Variants in IVD observed in about 807,000 individuals in gnomAD.
The protein encoded by IVD is isovaleryl-CoA dehydrogenase, mitochondrial.
In IVD, 31 loss-of-function variants were observed where a neutral mutation model predicts 51.3. The ratio of observed to expected loss-of-function variants is 0.60; its 90% confidence interval spans 0.45 to 0.81. The LOEUF is 0.81. IVD is among the 40% of genes least tolerant of loss of function. The pLI, the probability that IVD is intolerant of heterozygous loss-of-function variation, is 0.00. For missense variants in IVD, 475 were observed against 552.0 expected (o/e 0.86, Z 1.40); for synonymous variants, 205 against 219.4 (o/e 0.93, Z 0.58).
Position 40,407,102 on chromosome 15 carries a change from A to G in IVD, c.145-534A>G, listed in dbSNP as rs550749952. On this transcript the variant is annotated intron_variant, in intron 1 of 11. Coordinates refer to ENST00000487418, the MANE Select transcript of IVD (RefSeq NM_002225.5). The stretch of plus-strand genomic sequence containing the variant: ...GGTCTCAAACTCCCAACCTCAGGTG[A>G]TCCTCCTGCCTCGGCCTCCCAAAGT... 6.6e-5 allele frequency among the ~76,000 whole-genome samples: 10 copies of G among 152,314 alleles called. No individual in the cohort carries two copies. In the East Asian group the frequency reaches 1.9e-3, roughly 29 times the overall value.
intron 7 of IVD, among the ~76,000 whole-genome samples, chr15:40,431,677 A>C (rs986365938): frequency 6.6e-6 from 1 of 151,946 alleles, no homozygotes; most frequent in African/African-American, 2.4e-5. Flanking sequence ...CCTGGGCTAC[A>C]GAGCAAGACT....
intron 2 of IVD, 39 bp from the exon 3 acceptor site, chr15:40,407,900 C>T (rs1338351974): frequency 1.9e-6 from 3 of 1,610,550 alleles, no homozygotes; most frequent in East Asian, 2.2e-5. Flanking sequence ...GCTGCCTTCC[C>T]CTCAACACTT....
At chr15:40,406,153 G>C in intron 1 of IVD, 182 bp downstream of exon 1, 1 of 1,540,062 alleles carries the variant, frequency 6.5e-7, no homozygotes. Flanking sequence ...CCAGTCCTCT[G>C]ACCTCGGCCT....
At chr15:40,406,446 T>C in intron 1 of IVD, 1 of 829,120 alleles carries the variant, frequency 1.2e-6, no homozygotes, top group Non-Finnish European at 1.7e-6. Context: ...TGAGCTCTCC[T>C]GTCGCTCTTC....
At chr15:40,427,657 G>C (rs777503814), downstream of IVD, among the ~76,000 whole-genome samples, 2 of 152,132 alleles carry the variant, frequency 1.3e-5, no homozygotes, top group African/African-American at 4.8e-5. Flanking sequence ...TGTTGAAGTA[G>C]AATAGTTAAA....
At chr15:40,411,766 T>C in intron 6 of IVD, 75 bp downstream of exon 6, 1 of 1,536,424 alleles carries the variant, frequency 6.5e-7, no homozygotes. Context: ...CGTTCACTGA[T>C]CTCAAATGGA....
chr15:40,418,124 T>A lies in IVD; in HGVS notation c.1139-6T>A. 6.2e-7 allele frequency: 1 copy of A among 1,614,108 alleles called. No homozygotes were observed. The highest frequency in any genetic ancestry group is 2.2e-5 in the East Asian group (1 of 44,882). ...CCTTTCTTCTCTGCCCAAACCCTGG[T>A]TGCAGGTGGCAATGGCTACATCAAT... On this transcript the variant is annotated splice_region_variant and splice_polypyrimidine_tract_variant and intron_variant, in intron 11 of 11. Coordinates refer to ENST00000487418, the MANE Select transcript of IVD (RefSeq NM_002225.5).
downstream of IVD, among the ~76,000 whole-genome samples, chr15:40,424,929 C>T (rs1199213070): frequency 1.3e-5 from 2 of 152,208 alleles, no homozygotes; most frequent in African/African-American, 4.8e-5. Context: ...CCAGCATTGG[C>T]AGAAACAGCA....
At chr15:40,414,535 G>A (rs1891440683) in intron 7 of IVD, 1 of 313,534 alleles carries the variant, frequency 3.2e-6, no homozygotes, top group African/African-American at 2.2e-5. Flanking sequence ...GTAATTCTCT[G>A]GTTTCTTTAT....
downstream of IVD, chr15:40,421,319 T>C (rs1892281552): frequency 2.0e-6 from 2 of 985,334 alleles, no homozygotes; most frequent in East Asian, 2.3e-4. Context: ...CCATGCAGCC[T>C]GAGTGGTAAA....
At chr15:40,407,602 C>T (rs1237419799) in intron 1 of IVD, 34 bp from the exon 2 acceptor site, 2 of 1,459,832 alleles carry the variant, frequency 1.4e-6, no homozygotes, top group African/African-American at 1.4e-5. Flanking sequence ...GAGATGCTGT[C>T]TGCAGTGGCA....
At chr15:40,430,632 C>G (rs1205623216) in intron 7 of IVD, among the ~76,000 whole-genome samples, 1 of 152,126 alleles carries the variant, frequency 6.6e-6, no homozygotes, top group African/African-American at 2.4e-5. Context: ...CAGTAAATGA[C>G]AGGCTGTGGT....
At chr15:40,426,206 C>T (rs1860128496), downstream of IVD, among the ~76,000 whole-genome samples, 2 of 152,050 alleles carry the variant, frequency 1.3e-5, no homozygotes, top group Non-Finnish European at 2.9e-5. Context: ...ATTCTACTGT[C>T]GATGGACATT....
intron 6 of IVD, chr15:40,412,657 G>A (rs1215535240): frequency 3.6e-5 from 13 of 364,946 alleles, no homozygotes; most frequent in East Asian, 2.0e-4. Flanking sequence ...GGAATTGACC[G>A]GGCTGGTGAC....
chr15:40,417,587 T>C lies in IVD; in HGVS notation c.1139-543T>C, dbSNP rs539960858. ...CCACACCATCCTGAATAGCTTGAAGTGTTGTGCCATGCTGCTCTGTCATGT... is the reference window on the plus strand; with the variant it reads ...CCACACCATCCTGAATAGCTTGAAGCGTTGTGCCATGCTGCTCTGTCATGT... On this transcript the variant is annotated intron_variant, in intron 11 of 11. Coordinates refer to ENST00000487418, the MANE Select transcript of IVD (RefSeq NM_002225.5). Among the ~76,000 whole-genome samples, 133 of 151,530 alleles carry C rather than the reference T, an allele frequency of 8.8e-4. 1 individual carries two copies. The highest frequency in any genetic ancestry group is 1.6e-3 in the Non-Finnish European group (111 of 67,914).
At chr15:40,429,505 C>T (rs1021434645) in intron 7 of IVD, among the ~76,000 whole-genome samples, 4 of 152,228 alleles carry the variant, frequency 2.6e-5, no homozygotes, top group Admixed American at 2.6e-4. Context: ...AACCCATCTA[C>T]ACGCCCACCT....
intron 7 of IVD, among the ~76,000 whole-genome samples, chr15:40,429,508 G>A (rs929187500): frequency 6.6e-6 from 1 of 152,076 alleles, no homozygotes; most frequent in Admixed American, 6.5e-5. Flanking sequence ...CCATCTACAC[G>A]CCCACCTGTC....
At chr15:40,413,657 G>C (rs888696152) in intron 7 of IVD, among the ~76,000 whole-genome samples, 1 of 142,502 alleles carries the variant, frequency 7.0e-6, no homozygotes, top group African/African-American at 2.6e-5. Flanking sequence ...TGGATTTGTT[G>C]TTTGGGGTTT....
At chr15:40,411,467 T>A in intron 5 of IVD, 88 bp from the exon 6 acceptor site, 1 of 1,604,900 alleles carries the variant, frequency 6.2e-7, no homozygotes, top group Non-Finnish European at 8.5e-7. Context: ...TTCTCAAAGG[T>A]GGACAGCTTC....
Sources: gnomAD v4.1 joint callset for allele counts (sites outside exome capture counted in the v4.1 genomes callset) on GRCh38, gnomAD v4.1.1 for gene constraint, MANE v1.5 for transcripts, NCBI Gene and HGNC (gene_info 2026-07-23, HGNC 2026-07-21) for gene names.